The following LDB3 variants were observed in gnomAD, a reference collection of about 807,000 sequenced individuals.
LDB3 encodes LIM domain binding 3, also known as LIM domain-binding protein 3.
LDB3 carries 49 observed loss-of-function variants against 69.0 expected under a neutral mutation model. The ratio of observed to expected loss-of-function variants is 0.71; its 90% CI spans 0.56 to 0.90. The LOEUF (loss-of-function observed/expected upper bound fraction) is 0.90, where lower values mean the gene tolerates loss of function less well. LDB3 is among the 40% of genes least tolerant of loss of function. LDB3 has a pLI of 0.00. For missense variants in LDB3, 928 were observed against 974.1 expected (o/e 0.95, Z 0.63); for synonymous variants, 387 against 396.2 (o/e 0.98, Z 0.28).
At chr10:86,685,114 T>C (rs995490468) in intron 5 of LDB3, among the ~76,000 whole-genome samples, 1 of 152,140 alleles carries the variant, frequency 6.6e-6, no homozygotes, top group Non-Finnish European at 1.5e-5. Flanking sequence ...GCTGCCTGCG[T>C]CTCTTCTGGG....
chr10:86,706,634 C>G lies in LDB3; in HGVS notation c.1000C>G (p.Pro334Ala). Residue 334 changes from proline to alanine, a missense_variant, in exon 8 of 14, where the codon CCA becomes GCA. Coordinates refer to ENST00000361373, the MANE Select transcript of LDB3 (RefSeq NM_007078.3). ...PAAASPSAAS[P>A]PLATAAAHTA... is the part of the protein sequence containing the mutation. ...TGCTGCCTCTCCCAGTGCGGCTTCG[C>G]CACCCCTGGCCACAGCTGCTGCCCA... 2 of 1,613,130 alleles carry G rather than the reference C, an allele frequency of 1.2e-6. No individual in the cohort carries two copies. The highest frequency in any genetic ancestry group is 1.7e-6 in the Non-Finnish European group (2 of 1,179,942).
At position 86,734,736 on chromosome 10, in the gene LDB3, A is replaced by G. The variant is rs1388113492; in HGVS notation, c.*1760A>G. 1 of 152,164 alleles carries G rather than the reference A, an allele frequency of 6.6e-6. No individual in the cohort carries two copies. The highest frequency in any genetic ancestry group is 1.5e-5 in the Non-Finnish European group (1 of 68,038). 9.4% of individuals were successfully genotyped at this position (152,164 alleles called of 1,614,324 possible). The stretch of plus-strand genomic sequence containing the variant: ...CCCCCAGGGAGCATCAGGAAGGGAC[A>G]TGGATGTGCTCCTGCCACAGGGCCC... On this transcript the variant is annotated 3_prime_UTR_variant, in exon 14 of 14. Coordinates refer to ENST00000361373, the MANE Select transcript of LDB3 (RefSeq NM_007078.3).
At position 86,716,566 on chromosome 10, in the gene LDB3, G is replaced by A. The variant is rs397517215; in HGVS notation, c.1471G>A (p.Val491Met). The change falls in exon 10 of 14, where the codon GTG (valine) becomes ATG (methionine). Residue 491 changes from valine (V) to methionine (M), a missense_variant. Transcript: ENST00000361373. The stretch of plus-strand genomic sequence containing the variant: ...GGAGCCTGCCAGCCGTCCACCCTGG[G>A]TGACAGATGATAGCTTCTCCCAGAA... ...PAEPASRPPW[V>M]TDDSFSQKFA... The A allele has an allele frequency of 1.2e-6, 2 of 1,613,588 alleles. No homozygotes were observed. Among genetic ancestry groups the A allele is most frequent in the African/African-American group, 2.7e-5 (2 of 74,724 alleles).
chr10:86,682,956 T>C (rs1845247965), intron 5 of LDB3, among the ~76,000 whole-genome samples: 1 of 147,262 alleles, frequency 6.8e-6, no homozygotes, highest in Admixed American at 6.6e-5. Context: ...CCCAGCTCTT[T>C]CTAGAATCCT....
At chr10:86,674,463 G>A (rs1291296962) in intron 2 of LDB3, among the ~76,000 whole-genome samples, 1 of 152,150 alleles carries the variant, frequency 6.6e-6, no homozygotes, top group African/African-American at 2.4e-5. Flanking sequence ...GCCCAGCAAG[G>A]CGGAAGGGCT....
rs199749907 is a variant in LDB3 at position 86,718,023 on chromosome 10, A to G, written c.1736A>G (p.Tyr579Cys). The change falls in exon 11 of 14, where the codon TAC becomes TGC. Residue 579 changes from tyrosine (Y) to cysteine (C), a missense_variant. Tyr to Cys is a radical substitution (Grantham distance 194). Transcript: ENST00000361373. ...SWHPEEFTCA[Y>C]CKTSLADVCF... is the part of the protein sequence containing the mutation. ...CACCCTGAAGAGTTCACCTGTGCCT[A>G]CTGCAAGACTTCCCTGGCAGATGTG... 2.2e-5 allele frequency: 36 copies of G among 1,614,132 alleles called. No homozygotes were observed. The highest frequency in any genetic ancestry group is 2.9e-5 in the Non-Finnish European group (34 of 1,180,010).
At chr10:86,675,175 G>A (rs898817447) in intron 2 of LDB3, among the ~76,000 whole-genome samples, 6 of 144,506 alleles carry the variant, frequency 4.2e-5, no homozygotes, top group Non-Finnish European at 7.9e-5. Flanking sequence ...CTCTCCCTTG[G>A]GAGCAAGCAT....
chr10:86,713,339 C>T (rs867788310), intron 9 of LDB3, among the ~76,000 whole-genome samples: 1 of 151,998 alleles, frequency 6.6e-6, no homozygotes, highest in South Asian at 2.1e-4. Context: ...CTCCACCTCC[C>T]GGGTTCAAGA....
chr10:86,731,683 T>C (rs1387763301), intron 13 of LDB3, among the ~76,000 whole-genome samples: 5 of 152,198 alleles, frequency 3.3e-5, no homozygotes, highest in African/African-American at 7.2e-5. Context: ...TAAAATTCTC[T>C]AGCGTGGCAT....
At chr10:86,690,015 C>T (rs1024651161) in intron 5 of LDB3, among the ~76,000 whole-genome samples, 4 of 152,202 alleles carry the variant, frequency 2.6e-5, no homozygotes, top group African/African-American at 9.7e-5. Context: ...CAACAAGAGT[C>T]CCTGGTCTTT....
At position 86,691,927 on chromosome 10, in the gene LDB3, A is replaced by G. The variant is rs1176330169; in HGVS notation, c.721A>G (p.Ser241Gly). 6.2e-7 allele frequency: 1 copy of G among 1,614,160 alleles called. No homozygotes were observed. Among genetic ancestry groups the G allele is most frequent in the Non-Finnish European group, 8.5e-7 (1 of 1,180,026 alleles). ...CCCTATTAAGGACCTTGCCGTAGAC[A>G]GCGCCTCTCCCGTCTACCAGGCTGT... Reference protein sequence around the residue: ...SLPIKDLAVDSASPVYQAVIK... With the variant: ...SLPIKDLAVDGASPVYQAVIK... Residue 241 changes from serine to glycine, a missense_variant, in exon 6 of 14, where the codon AGC (serine) becomes GGC (glycine). Physicochemically the swap from Ser to Gly is moderately conservative, Grantham distance 56. Coordinates refer to ENST00000361373, the MANE Select transcript of LDB3 (RefSeq NM_007078.3).
chr10:86,710,426 C>CTA (rs2132467197), intron 9 of LDB3: 1 of 201,428 alleles, frequency 5.0e-6, no homozygotes, highest in East Asian at 1.9e-4. Context: ...CCCATCTCTA[C>CTA]TAAAGATTCA....
rs1374721499 is a variant in LDB3 at position 86,733,268 on chromosome 10, A to G, written c.*292A>G. On this transcript the variant is annotated 3_prime_UTR_variant, in exon 14 of 14. Transcript: ENST00000361373. ...AAGAACTCAAAAGTGAAAAGCAACA[A>G]GCAGCTTTCCCAAAGCGATACACTT... 7.6e-6 allele frequency: 3 copies of G among 396,134 alleles called. No individual in the cohort carries two copies. The allele number at this position is 396,134 out of a possible 1,614,324, so 24.5% of individuals were successfully genotyped here.
At position 86,693,938 on chromosome 10, in the gene LDB3, C is replaced by G. The variant is rs189009887; in HGVS notation, c.896+1367C>G. Among the ~76,000 whole-genome samples the G allele has an allele frequency of 3.0e-4, 46 of 152,330 alleles. 1 individual carries two copies. The East Asian group carries it at 3.1e-3, about 10-fold the overall frequency. ...AGAGCAAGCGGCTTCAAAATCCCCC[C>G]GGGTTCCTTCCAGCAACAGGCCAGC... is the stretch of plus-strand genomic sequence containing the variant. On this transcript the variant is annotated intron_variant, in intron 7 of 13. Transcript: ENST00000361373.
chr10:86,721,748 G>A (rs1005433932), intron 12 of LDB3, among the ~76,000 whole-genome samples: 1 of 152,204 alleles, frequency 6.6e-6, no homozygotes, highest in Non-Finnish European at 1.5e-5. Flanking sequence ...AGAAACTCTG[G>A]AGGGGAGCCT....
chr10:86,669,228 G>A (rs1193857918), intron 2 of LDB3, among the ~76,000 whole-genome samples: 5 of 152,204 alleles, frequency 3.3e-5, no homozygotes. Context: ...TAGATGGACA[G>A]ACAGACGGTT....
At chr10:86,728,587 T>TTTTTTTTTTTGTTTG (rs1847347388) in intron 13 of LDB3, among the ~76,000 whole-genome samples, 1 of 76,172 alleles carries the variant, frequency 1.3e-5, no homozygotes, top group Admixed American at 1.2e-4. Context: ...GGTTCTTTTG[T>TTTTTTTTTTTGTTTG]TTTTTTTTTT....
intron 7 of LDB3, 135 bp downstream of exon 7, chr10:86,692,706 C>T (rs1845825378): frequency 6.1e-6 from 5 of 816,172 alleles, no homozygotes; most frequent in Non-Finnish European, 1.1e-5. Flanking sequence ...CAAAGGGCTC[C>T]AGCTGACACT....
intron 7 of LDB3, among the ~76,000 whole-genome samples, chr10:86,697,549 CTTTT>C (rs71019409): frequency 3.1e-4 from 26 of 83,930 alleles, no homozygotes; most frequent in Non-Finnish European, 4.4e-4. Flanking sequence ...TTCTTTCTTT[CTTTT>C]TTTTTTTTTT....
Sources: allele counts gnomAD v4.1 joint callset (sites outside exome capture counted in the v4.1 genomes callset), GRCh38; gene constraint gnomAD v4.1.1; transcripts MANE v1.5; gene names NCBI Gene and HGNC (gene_info 2026-07-23, HGNC 2026-07-21).